Variants in HSPG2 observed in about 807,000 individuals in gnomAD.
HSPG2 encodes basement membrane-specific heparan sulfate proteoglycan core protein.
HSPG2 carries 278 observed loss-of-function variants against 526.6 expected under a neutral mutation model. The observed-to-expected ratio is 0.53, with a 90% CI of 0.48 to 0.58. HSPG2 has a LOEUF of 0.58. Ranked by LOEUF, HSPG2 falls within the 20% of genes least tolerant of loss-of-function variation. The pLI is 0.00. For missense variants in HSPG2, 5,354 were observed against 6,099.5 expected, an observed-to-expected ratio of 0.88 and a Z score of 4.07; for synonymous variants, 2,465 against 2,555.4, an observed-to-expected ratio of 0.96 and a Z score of 1.07.
Position 21,839,177 on chromosome 1 carries a change from G to T in HSPG2, c.9890-92C>A. 1 of 1,504,758 alleles carries T rather than the reference G, an allele frequency of 6.6e-7. No individual in the cohort carries two copies. The allele number at this position is 1,504,758 out of a possible 1,614,324, so 93.2% of individuals were successfully genotyped here. A position where few individuals can be genotyped will look rare whatever the true frequency, so the allele number is the denominator to read the frequency against. ...ATCCAGTGTCCAGGGAAGCTGAATG[G>T]TGAGCCCAGAGGACTGGGGATAAGG... On this transcript the variant is annotated intron_variant, in intron 73 of 96. Transcript: ENST00000374695. This position sits in a 1 kb window ranked among gnomAD's most constrained non-coding sequence, Gnocchi z 4.5.
chr1:21,896,374 C>T, intron 1 of HSPG2, 64 bp from the exon 2 acceptor site: 2 of 1,590,606 alleles, frequency 1.3e-6, no homozygotes, highest in Non-Finnish European at 1.7e-6. Context: ...CACGGTCCTT[C>T]CCCTCACTTC....
rs564222445 is a variant in HSPG2 at position 21,827,296 on chromosome 1, A to G, written c.12589+567T>C. Among the ~76,000 whole-genome samples, 17 of 152,314 alleles carry G rather than the reference A, an allele frequency of 1.1e-4. No homozygotes were observed. The East Asian group carries it at 1.9e-3, about 17-fold the overall frequency. On this transcript the variant is annotated intron_variant, in intron 91 of 96. Transcript: ENST00000374695. Reference sequence around the variant, plus strand: ...ATGTTACTCATCTCCATTTTATATGAGGCACAGAGAGGTTAAGCGACTCAC... The same window carrying G: ...ATGTTACTCATCTCCATTTTATATGGGGCACAGAGAGGTTAAGCGACTCAC...
intron 1 of HSPG2, among the ~76,000 whole-genome samples, chr1:21,934,832 T>C (rs747800459): frequency 5.1e-4 from 77 of 152,104 alleles, no homozygotes; most frequent in Non-Finnish European, 9.9e-4. Context: ...CCTGACCTCA[T>C]GATCCGCTCG....
At chr1:21,836,472 C>A (rs2098026683) in intron 75 of HSPG2, among the ~76,000 whole-genome samples, 1 of 152,158 alleles carries the variant, frequency 6.6e-6, no homozygotes, top group African/African-American at 2.4e-5. Context: ...CAGGTGCCCA[C>A]CACCACACCC....
chr1:21,873,438 A>C lies in HSPG2; in HGVS notation c.3744-14T>G. 6.2e-7 allele frequency: 1 copy of C among 1,613,780 alleles called. No homozygotes were observed. Among genetic ancestry groups the C allele is most frequent in the African/African-American group, 1.3e-5 (1 of 74,916 alleles). On this transcript the variant is annotated splice_polypyrimidine_tract_variant and intron_variant, in intron 29 of 96. Transcript: ENST00000374695. The stretch of plus-strand genomic sequence containing the variant: ...CCAGGGGCGCACCTGCAGAGAGAAA[A>C]AGCCTCTGATGAATTTTGGATGAAG...
chr1:21,833,845 A>G lies in HSPG2; in HGVS notation c.10801T>C (p.Tyr3601His). The G allele has an allele frequency of 6.2e-7, 1 of 1,603,610 alleles. No homozygotes were observed. The highest frequency in any genetic ancestry group is 8.5e-7 in the Non-Finnish European group (1 of 1,174,956). The change falls in exon 78 of 97, where the codon TAC becomes CAC. Residue 3601 changes from tyrosine (Y) to histidine (H), a missense_variant. Physicochemically the swap from Tyr to His is moderately conservative, Grantham distance 83. Coordinates refer to ENST00000374695, the MANE Select transcript of HSPG2 (RefSeq NM_005529.7). ...CTCCAGCTGATGTCAGGAGTGGGGT[A>G]GCCTGAGGCTATGCAGGGGAAGACA... ...AAVFPCIASG[Y>H]PTPDISWSKL...
chr1:21,925,869 T>A (rs1644176074), intron 1 of HSPG2, among the ~76,000 whole-genome samples: 1 of 151,342 alleles, frequency 6.6e-6, no homozygotes, highest in South Asian at 2.1e-4. Flanking sequence ...TCTATTTTTT[T>A]ATTTTTATTT....
At chr1:21,911,034 AG>A (rs1643636188) in intron 1 of HSPG2, among the ~76,000 whole-genome samples, 1 of 152,178 alleles carries the variant, frequency 6.6e-6, no homozygotes, top group South Asian at 2.1e-4. Flanking sequence ...GCAGTCGGAG[AG>A]CACTGGGTGG....
In HSPG2 at chr1:21,857,314, C is replaced by T. The variant is rs750700719; in HGVS notation, c.5365G>A (p.Val1789Ile). The change falls in exon 43 of 97, where the codon GTC becomes ATC. Residue 1789 changes from valine to isoleucine, a missense_variant. By Grantham distance (29) the Val-to-Ile change is conservative. Coordinates refer to ENST00000374695, the MANE Select transcript of HSPG2 (RefSeq NM_005529.7). The part of the protein sequence containing the change: ...RSQSVRPGAD[V>I]TFICTAKSKS... ...CTTTTGGCTGTGCAGATGAAGGTGA[C>T]GTCAGCTCCGGGGCGCACGCTCTGG... The T allele has an allele frequency of 8.1e-6, 13 of 1,614,010 alleles. No individual in the cohort carries two copies. The highest frequency in any genetic ancestry group is 3.3e-5 in the South Asian group (3 of 91,086).
chr1:21,832,752 C>G, intron 80 of HSPG2, 146 bp from the exon 81 acceptor site: 1 of 650,526 alleles, frequency 1.5e-6, no homozygotes, highest in South Asian at 1.8e-5. Flanking sequence ...CCAGGGCCTT[C>G]TCACTATCTC....
intron 1 of HSPG2, among the ~76,000 whole-genome samples, chr1:21,926,393 G>A (rs1644192457): frequency 6.6e-6 from 1 of 152,070 alleles, no homozygotes; most frequent in Admixed American, 6.6e-5. Context: ...AAACTCCTGG[G>A]TTTCTGTTCC....
intron 1 of HSPG2, among the ~76,000 whole-genome samples, chr1:21,929,590 T>G (rs1361444960): frequency 2.0e-5 from 3 of 151,410 alleles, no homozygotes; most frequent in Non-Finnish European, 2.9e-5. Flanking sequence ...CGGTTTTTTT[T>G]TTTTTTTTTT....
intron 1 of HSPG2, among the ~76,000 whole-genome samples, chr1:21,911,036 C>A (rs1037335167): frequency 6.6e-6 from 1 of 152,186 alleles, no homozygotes; most frequent in African/African-American, 2.4e-5. Flanking sequence ...AGTCGGAGAG[C>A]ACTGGGTGGG....
At chr1:21,866,199 T>G (rs1338570722) in intron 33 of HSPG2, among the ~76,000 whole-genome samples, 1 of 152,172 alleles carries the variant, frequency 6.6e-6, no homozygotes, top group African/African-American at 2.4e-5. Flanking sequence ...GCCATGGGGG[T>G]GGGGCTGACG....
chr1:21,923,416 AT>A (rs1457946668), intron 1 of HSPG2, among the ~76,000 whole-genome samples: 3 of 150,778 alleles, frequency 2.0e-5, no homozygotes, highest in Non-Finnish European at 3.0e-5. Context: ...AAAAAAAAAA[AT>A]AAAATAAAAT....
chr1:21,880,565 T>A lies in HSPG2; in HGVS notation c.1999-6A>T. On this transcript the variant is annotated splice_region_variant and splice_polypyrimidine_tract_variant and intron_variant, in intron 15 of 96. Transcript: ENST00000374695. ...GACTCATGGACCCAGTGCTCCTGGG[T>A]ATGGGTGAAGGTGGCAGGGGTCACA... 6.2e-7 allele frequency: 1 copy of A among 1,613,058 alleles called. No individual in the cohort carries two copies. Among genetic ancestry groups the A allele is most frequent in the Non-Finnish European group, 8.5e-7 (1 of 1,179,798 alleles).
chr1:21,843,797 C>T (rs1289062159), intron 65 of HSPG2, among the ~76,000 whole-genome samples: 1 of 152,176 alleles, frequency 6.6e-6, no homozygotes, highest in African/African-American at 2.4e-5. Context: ...CAGGCATCTG[C>T]CACCATGCCT....
Position 21,896,246 on chromosome 1 carries a change from G to C in HSPG2, c.128C>G (p.Ala43Gly). 1 of 1,613,936 alleles carries C rather than the reference G, an allele frequency of 6.2e-7. No homozygotes were observed. The highest frequency in any genetic ancestry group is 8.5e-7 in the Non-Finnish European group (1 of 1,179,992). ...SLPEDIETVT[A>G]SQMRWTHSYL... Reference sequence around the variant, plus strand: ...CGAATGTGTCCAGCGCATTTGGCTTGCTGTGACGGTCTCTATGTCCTCAGG... The same window carrying C: ...CGAATGTGTCCAGCGCATTTGGCTTCCTGTGACGGTCTCTATGTCCTCAGG... Residue 43 changes from alanine (A) to glycine (G), a missense_variant, in exon 2 of 97, where the codon GCA (alanine) becomes GGA (glycine). By Grantham distance (60) the Ala-to-Gly change is moderately conservative. Transcript: ENST00000374695.
chr1:21,911,194 ACT>A (rs1308596051), intron 1 of HSPG2, among the ~76,000 whole-genome samples: 2 of 152,064 alleles, frequency 1.3e-5, no homozygotes, highest in African/African-American at 4.8e-5. Flanking sequence ...CAAAGATGTG[ACT>A]CTGTCTCCCA....
Sources: allele counts gnomAD v4.1 joint callset (sites outside exome capture counted in the v4.1 genomes callset), GRCh38; gene constraint gnomAD v4.1.1; non-coding constraint Gnocchi (gnomAD v3.1); transcripts MANE v1.5; gene names NCBI Gene and HGNC (gene_info 2026-07-23, HGNC 2026-07-21).